Variants in FAM117B observed in about 807,000 individuals in gnomAD.
FAM117B encodes family with sequence similarity 117 member B, also known as protein FAM117B.
In FAM117B, 22 loss-of-function variants were observed where a neutral mutation model predicts 52.8. The ratio of observed to expected loss-of-function variants is 0.42; its 90% CI spans 0.30 to 0.59. FAM117B has a LOEUF of 0.59. FAM117B is among the 20% of genes least tolerant of loss of function. The pLI, the probability that FAM117B is intolerant of heterozygous loss-of-function variation, is 0.22. For synonymous variants in FAM117B, 309 were observed against 324.1 expected (o/e 0.95, Z 0.50); for missense variants, 678 against 802.6 (o/e 0.84, Z 1.88).
chr2:202,746,956 A>AC lies in FAM117B; in HGVS notation c.961-8582_961-8581insC, dbSNP rs1396276004. Reference sequence around the variant, plus strand: ...CACAACAGCCACCACCGGAAAAAAAAACAAAACAAAAAAAAACACAAAAAC... The same window carrying AC: ...CACAACAGCCACCACCGGAAAAAAAACACAAAACAAAAAAAAACACAAAAAC... On this transcript the variant is annotated intron_variant, in intron 4 of 7. Coordinates refer to ENST00000392238, the MANE Select transcript of FAM117B (RefSeq NM_173511.4). 1.3e-3 allele frequency among the ~76,000 whole-genome samples: 138 copies of AC among 107,512 alleles called. 1 individual carries two copies. The highest frequency in any genetic ancestry group is 4.3e-3 in the African/African-American group (138 of 32,292). The allele number at this position is 107,512 out of a possible 152,430, so 70.5% of individuals were successfully genotyped here.
intron 2 of FAM117B, among the ~76,000 whole-genome samples, chr2:202,702,855 AT>A (rs1690816245): frequency 6.6e-6 from 1 of 152,144 alleles, no homozygotes; most frequent in Non-Finnish European, 1.5e-5. Flanking sequence ...GCCCAGCCAC[AT>A]TTTTTAAATC....
chr2:202,757,375 A>C lies in FAM117B; in HGVS notation c.1267A>C (p.Asn423His). ...CCCAACATCGTTCCTCACCATTTCC[A>C]ATGAAGGTAGCGAGGAGAGTCCTTG... ...VSPTSFLTIS[N>H]EGSEESPCSA... is the part of the protein sequence containing the mutation. Residue 423 changes from asparagine to histidine, a missense_variant, in exon 6 of 8, where the codon AAT becomes CAT. Asn to His is a moderately conservative substitution (Grantham distance 68). This residue lies in a region of FAM117B where 583 missense variants were observed against 644.8 expected (regional missense o/e 0.90). Transcript: ENST00000392238. 6.2e-7 allele frequency: 1 copy of C among 1,613,958 alleles called. No individual in the cohort carries two copies. The highest frequency in any genetic ancestry group is 8.5e-7 in the Non-Finnish European group (1 of 1,179,996).
intron 1 of FAM117B, among the ~76,000 whole-genome samples, chr2:202,651,662 C>T (rs1689960357): frequency 6.6e-6 from 1 of 152,124 alleles, no homozygotes; most frequent in South Asian, 2.1e-4. Flanking sequence ...GCGTGAGCCA[C>T]CACGCCTGGC....
At chr2:202,648,937 A>G (rs1689912797) in intron 1 of FAM117B, among the ~76,000 whole-genome samples, 3 of 151,910 alleles carry the variant, frequency 2.0e-5, no homozygotes, top group Admixed American at 2.0e-4. Context: ...TATTTTTAGT[A>G]GAGATGGTGT....
intron 1 of FAM117B, among the ~76,000 whole-genome samples, chr2:202,674,558 T>C (rs1439838079): frequency 2.6e-5 from 4 of 152,220 alleles, no homozygotes; most frequent in African/African-American, 4.8e-5. Context: ...GAAATACCCC[T>C]AGGAGGACCC....
intron 4 of FAM117B, among the ~76,000 whole-genome samples, chr2:202,730,062 G>A (rs1691315160): frequency 6.6e-6 from 1 of 152,146 alleles, no homozygotes; most frequent in South Asian, 2.1e-4. Context: ...GAACTTGAGT[G>A]ATATTTAGAA....
chr2:202,750,343 T>G lies in FAM117B; in HGVS notation c.961-5195T>G, dbSNP rs563579797. Among the ~76,000 whole-genome samples the G allele has an allele frequency of 2.0e-5, 3 of 152,284 alleles. No individual in the cohort carries two copies. The South Asian group carries it at 6.2e-4, about 32-fold the overall frequency. On this transcript the variant is annotated intron_variant, in intron 4 of 7. Transcript: ENST00000392238. ...CTGGGCAACATGGTAAAACCCTGTC[T>G]CTACCAAAAAAGTACAAAAATTAGC...
intron 2 of FAM117B, among the ~76,000 whole-genome samples, chr2:202,712,232 GT>G (rs1212365579): frequency 2.0e-5 from 3 of 151,954 alleles, no homozygotes; most frequent in African/African-American, 7.2e-5. Context: ...GTGTTTTACA[GT>G]TTTCAATGAA....
chr2:202,661,572 A>G (rs2105761387), intron 1 of FAM117B, among the ~76,000 whole-genome samples: 1 of 152,312 alleles, frequency 6.6e-6, no homozygotes. Flanking sequence ...CTGGGCCTTT[A>G]CAGACTCCAG....
intron 4 of FAM117B, among the ~76,000 whole-genome samples, chr2:202,752,954 A>G (rs986116936): frequency 6.6e-6 from 1 of 152,254 alleles, no homozygotes; most frequent in Non-Finnish European, 1.5e-5. Context: ...AAAGTAATTT[A>G]TAGATTCAAT....
chr2:202,637,605 A>T (rs913164243), intron 1 of FAM117B, among the ~76,000 whole-genome samples: 2 of 152,104 alleles, frequency 1.3e-5, no homozygotes, highest in Non-Finnish European at 2.9e-5. Context: ...AAAGTACTAG[A>T]TTTCCCCTCC....
At chr2:202,648,628 A>G (rs956596054) in intron 1 of FAM117B, among the ~76,000 whole-genome samples, 14 of 150,982 alleles carry the variant, frequency 9.3e-5, no homozygotes, top group African/African-American at 3.4e-4. Flanking sequence ...TTATTTCATC[A>G]GGCTTTTATT....
intron 4 of FAM117B, among the ~76,000 whole-genome samples, chr2:202,744,169 T>C (rs1318698621): frequency 6.6e-6 from 1 of 152,230 alleles, no homozygotes; most frequent in Non-Finnish European, 1.5e-5. Flanking sequence ...AGTTCGTTTG[T>C]GTTTCTGTAA....
chr2:202,695,439 G>A lies in FAM117B; in HGVS notation c.602-442G>A, dbSNP rs1356063224. Among the ~76,000 whole-genome samples, 3 of 152,044 alleles carry A rather than the reference G, an allele frequency of 2.0e-5. No homozygotes were observed. The East Asian group carries it at 5.8e-4, about 29-fold the overall frequency. The stretch of plus-strand genomic sequence containing the variant: ...AACGTGAATCATTCCTTTGTCCAAC[G>A]TATGCACGTTGTCTATGCTCCCTAC... On this transcript the variant is annotated intron_variant, in intron 1 of 7. Transcript: ENST00000392238.
At chr2:202,734,464 A>C (rs1691408613) in intron 4 of FAM117B, among the ~76,000 whole-genome samples, 1 of 152,238 alleles carries the variant, frequency 6.6e-6, no homozygotes, top group African/African-American at 2.4e-5. Flanking sequence ...GTCAACCAAC[A>C]TGAAAAACAC....
chr2:202,651,383 T>G (rs1464286354), intron 1 of FAM117B, among the ~76,000 whole-genome samples: 1 of 151,768 alleles, frequency 6.6e-6, no homozygotes, highest in Non-Finnish European at 1.5e-5. Flanking sequence ...TTCCTTTTTT[T>G]TTTTTTGAGA....
rs150794670 is a variant in FAM117B, at chr2:202,703,225, C to G, written c.753+7193C>G. ...CAGTTAATACTTAACCACTATCTCA[C>G]TTTCTGTTTCCATGAATTTGCCCAT... On this transcript the variant is annotated intron_variant, in intron 2 of 7. Coordinates refer to ENST00000392238, the MANE Select transcript of FAM117B (RefSeq NM_173511.4). 2.5e-3 allele frequency among the ~76,000 whole-genome samples: 376 copies of G among 152,356 alleles called. 2 individuals are homozygous for G. The highest frequency in any genetic ancestry group is 8.5e-3 in the African/African-American group (355 of 41,588).
intron 2 of FAM117B, among the ~76,000 whole-genome samples, chr2:202,721,500 C>G (rs772099583): frequency 1.3e-5 from 2 of 152,126 alleles, no homozygotes; most frequent in African/African-American, 4.8e-5. Context: ...GTTACGACTA[C>G]TTGGCCTAAT....
chr2:202,649,539 T>C (rs1181495000), intron 1 of FAM117B, among the ~76,000 whole-genome samples: 1 of 130,656 alleles, frequency 7.7e-6, no homozygotes, highest in Non-Finnish European at 1.5e-5. Flanking sequence ...TGCTTTGTTA[T>C]TTATTTATTT....
Sources: gnomAD v4.1 joint callset for allele counts (sites outside exome capture counted in the v4.1 genomes callset) on GRCh38, gnomAD v4.1.1 for gene constraint, gnomAD v4.1.1 regional missense constraint, MANE v1.5 for transcripts, NCBI Gene and HGNC (gene_info 2026-07-23, HGNC 2026-07-21) for gene names.